The following FHIP2A variants were observed in gnomAD, a reference collection of about 807,000 sequenced individuals.
The protein encoded by FHIP2A is FHF complex subunit HOOK interacting protein 2A.
Under a neutral mutation model 93.5 loss-of-function variants are expected in FHIP2A, and 46 were observed. That is an observed-to-expected ratio of 0.49 (90% CI 0.39 to 0.63). The LOEUF (loss-of-function observed/expected upper bound fraction) is 0.63, where lower values mean the gene tolerates loss of function less well. Ranked by LOEUF, FHIP2A falls within the 20% of genes least tolerant of loss-of-function variation. FHIP2A has a pLI of 0.00. For missense variants in FHIP2A, 769 were observed against 909.7 expected (o/e 0.85, Z 1.99); for synonymous variants, 332 against 326.5 (o/e 1.02, Z -0.18).
chr10:114,882,524 G>A (rs1054042463), intron 16 of FHIP2A, among the ~76,000 whole-genome samples: 1 of 152,118 alleles, frequency 6.6e-6, no homozygotes, highest in African/African-American at 2.4e-5. Flanking sequence ...TGTTTGGGGG[G>A]GTCAGAAAAT....
At chr10:114,827,816 G>A (rs865971461) in intron 1 of FHIP2A, among the ~76,000 whole-genome samples, 93 of 118,952 alleles carry the variant, frequency 7.8e-4, no homozygotes, top group African/African-American at 2.8e-3. Flanking sequence ...AAAAAAAAAA[G>A]AGTATCAAGG....
At position 114,899,674 on chromosome 10, in the gene FHIP2A, GC is replaced by G. The variant is rs1337840285; in HGVS notation, c.*163del. ...GGCAGACCTGAATCACCTATCCCAT[GC>G]CCAGAACTTTGGCTTGACCAGGCTC... is the stretch of plus-strand genomic sequence containing the variant. On this transcript the variant is annotated 3_prime_UTR_variant, in exon 17 of 17. Transcript: ENST00000369250. 8.8e-6 allele frequency: 5 copies of G among 569,582 alleles called. No individual in the cohort carries two copies. In the East Asian group the frequency reaches 1.4e-4, roughly 16 times the overall value. 35.3% of individuals were successfully genotyped at this position (569,582 alleles called of 1,614,324 possible).
At chr10:114,842,420 TA>T (rs754568866) in intron 5 of FHIP2A, among the ~76,000 whole-genome samples, 118 of 152,268 alleles carry the variant, frequency 7.7e-4, no homozygotes, top group Non-Finnish European at 6.8e-4. Context: ...GATGCTTATA[TA>T]TTTGAGAGAA....
chr10:114,843,276 G>T, intron 6 of FHIP2A, 50 bp downstream of exon 6: 2 of 1,079,044 alleles, frequency 1.9e-6, no homozygotes, highest in African/African-American at 1.6e-5. Flanking sequence ...TCAATAATGT[G>T]TATTTATTTA....
In FHIP2A at chr10:114,863,636, CTTTTA is replaced by C. The variant is rs1566379291; in HGVS notation, c.*2098_*2102del. On this transcript the variant is annotated 3_prime_UTR_variant, in exon 17 of 17. Transcript: ENST00000369248. ...TTCTGTTTTTCATCCCTTCTTTTTT[CTTTTA>C]TATTTAGTTCAGACCTAGAGCCAGT... 4 of 1,279,620 alleles carry C rather than the reference CTTTTA, an allele frequency of 3.1e-6. No homozygotes were observed. Among genetic ancestry groups the C allele is most frequent in the Non-Finnish European group, 4.1e-6 (4 of 981,150 alleles). The allele number at this position is 1,279,620 out of a possible 1,614,324, so 79.3% of individuals were successfully genotyped here.
At chr10:114,854,669 T>A (rs371883066) in intron 13 of FHIP2A, among the ~76,000 whole-genome samples, 32 of 152,334 alleles carry the variant, frequency 2.1e-4, no homozygotes, top group African/African-American at 7.5e-4. Context: ...TGGACGGTAG[T>A]GAACACTTTG....
At position 114,862,963 on chromosome 10, in the gene FHIP2A, C is replaced by T. The variant is rs897808473; in HGVS notation, c.*1423C>T. On this transcript the variant is annotated 3_prime_UTR_variant, in exon 17 of 17. Transcript: ENST00000369248. The stretch of plus-strand genomic sequence containing the variant: ...ATGTGCATAGAGGCTTGTTTTACAC[C>T]TATCTGCTCATTTTGTTGTGTTAGC... 22 of 985,240 alleles carry T rather than the reference C, an allele frequency of 2.2e-5. No individual in the cohort carries two copies. The highest frequency in any genetic ancestry group is 5.2e-4 in the Middle Eastern group (1 of 1,936). The allele number at this position is 985,240 out of a possible 1,614,324, so 61.0% of individuals were successfully genotyped here.
At chr10:114,889,151 C>G (rs180718980) in intron 16 of FHIP2A, among the ~76,000 whole-genome samples, 44 of 152,028 alleles carry the variant, frequency 2.9e-4, no homozygotes, top group Admixed American at 2.8e-3. Context: ...ATGAGGCCAC[C>G]CGCATCATTG....
At chr10:114,860,260 A>G (rs1025890191) in intron 14 of FHIP2A, among the ~76,000 whole-genome samples, 1 of 152,138 alleles carries the variant, frequency 6.6e-6, no homozygotes, top group Admixed American at 6.5e-5. Context: ...GGCCTGCAAT[A>G]TATGTAATTT....
In FHIP2A at chr10:114,830,860, T is replaced by G. The variant is rs369371795; in HGVS notation, c.54T>G (p.Pro18=). 26 of 1,607,148 alleles carry G rather than the reference T, an allele frequency of 1.6e-5. No individual in the cohort carries two copies. The highest frequency in any genetic ancestry group is 2.2e-5 in the Non-Finnish European group (26 of 1,176,410). ...ILQHAVEALA[P]SLPLQEDFVY... is the part of the protein sequence containing the mutation. Reference sequence around the variant, plus strand: ...GTCTTTTGTTTGTGTAGCTTGCACCTTCTCTTCCTTTACAAGAAGATTTTG... The same window carrying G: ...GTCTTTTGTTTGTGTAGCTTGCACCGTCTCTTCCTTTACAAGAAGATTTTG... Residue 18 remains proline (P), a synonymous_variant, in exon 2 of 17, where the codon CCT becomes CCG. Coordinates refer to ENST00000369248, the MANE Select transcript of FHIP2A (RefSeq NM_020940.4).
Position 114,860,711 on chromosome 10 carries a change from T to G in FHIP2A, c.1948-38T>G, listed in dbSNP as rs1215717805. ...GTAAATTAAGCACACCGGTATACAT[T>G]ATTTTTAAATGTCTTTCTGTTTTTT... On this transcript the variant is annotated intron_variant, in intron 14 of 16. Coordinates refer to ENST00000369248, the MANE Select transcript of FHIP2A (RefSeq NM_020940.4). 3.3e-6 allele frequency: 5 copies of G among 1,502,292 alleles called. No homozygotes were observed. The African/African-American group carries it at 6.9e-5, about 21-fold the overall frequency. 93.1% of individuals were successfully genotyped at this position (1,502,292 alleles called of 1,614,324 possible).
chr10:114,863,123 A>T lies in FHIP2A; in HGVS notation c.*1583A>T. ...AGACTAAACCTCTAATTTCATGCAAATCTTTGTTAGCTTATTCTAAGAAAT... is the reference window on the plus strand; with the variant it reads ...AGACTAAACCTCTAATTTCATGCAATTCTTTGTTAGCTTATTCTAAGAAAT... On this transcript the variant is annotated 3_prime_UTR_variant, in exon 17 of 17. Coordinates refer to ENST00000369248, the MANE Select transcript of FHIP2A (RefSeq NM_020940.4). 1 of 981,216 alleles carries T rather than the reference A, an allele frequency of 1.0e-6. No homozygotes were observed. Among genetic ancestry groups the T allele is most frequent in the South Asian group, 4.7e-5 (1 of 21,220 alleles). The allele number at this position is 981,216 out of a possible 1,614,324, so 60.8% of individuals were successfully genotyped here.
At chr10:114,837,227 T>C (rs1237501380) in intron 5 of FHIP2A, among the ~76,000 whole-genome samples, 4 of 152,136 alleles carry the variant, frequency 2.6e-5, no homozygotes, top group African/African-American at 9.7e-5. Flanking sequence ...TAAAAAATAT[T>C]TTTCTGGCCA....
chr10:114,892,108 C>T lies in FHIP2A; in HGVS notation c.2193-7382C>T, dbSNP rs141811604. 2.6e-5 allele frequency among the ~76,000 whole-genome samples: 4 copies of T among 152,184 alleles called. No homozygotes were observed. The East Asian group carries it at 5.8e-4, about 22-fold the overall frequency. On this transcript the variant is annotated intron_variant, in intron 16 of 16. Transcript: ENST00000369250. ...TTAATATAGAAATATTATATTAACT[C>T]TTTCTATAAAATAGGCAAAGAACAG...
intron 1 of FHIP2A, among the ~76,000 whole-genome samples, chr10:114,826,429 C>G (rs896962988): frequency 1.3e-5 from 2 of 152,200 alleles, no homozygotes; most frequent in Admixed American, 6.5e-5. Context: ...TTAAACCTAT[C>G]ATAGAATTGT....
intron 1 of FHIP2A, among the ~76,000 whole-genome samples, chr10:114,822,537 G>A (rs1017348629): frequency 2.0e-5 from 3 of 152,250 alleles, no homozygotes; most frequent in Non-Finnish European, 4.4e-5. Context: ...AAAGTGGTCA[G>A]CGTTGAGCAA....
chr10:114,842,131 C>T (rs1331452903), intron 5 of FHIP2A, among the ~76,000 whole-genome samples: 5 of 152,066 alleles, frequency 3.3e-5, no homozygotes. Context: ...GATCACAGCT[C>T]ACCACAGCTT....
chr10:114,855,090 C>A, intron 13 of FHIP2A, 107 bp from the exon 14 acceptor site: 1 of 1,163,410 alleles, frequency 8.6e-7, no homozygotes, highest in Non-Finnish European at 1.2e-6. Context: ...GCATAGCAGA[C>A]ATTCTGCATT....
intron 7 of FHIP2A, 86 bp from the exon 8 acceptor site, chr10:114,845,281 C>A: frequency 1.4e-6 from 1 of 738,016 alleles, no homozygotes; most frequent in South Asian, 1.6e-5. Context: ...TGAGTGTGTT[C>A]ATGTGCCTTC....
Sources: allele counts gnomAD v4.1 joint callset (sites outside exome capture counted in the v4.1 genomes callset), GRCh38; gene constraint gnomAD v4.1.1; transcripts MANE v1.5; gene names NCBI Gene and HGNC (gene_info 2026-07-23, HGNC 2026-07-21).